PTPRD: variants seen among roughly 807,000 people sequenced by gnomAD.
PTPRD encodes receptor-type tyrosine-protein phosphatase delta.
In PTPRD, 34 loss-of-function variants were observed where a neutral mutation model predicts 214.5. The observed-to-expected ratio is 0.16, with a 90% CI of 0.12 to 0.21. PTPRD has a LOEUF of 0.21. PTPRD is among the 10% of genes least tolerant of loss of function. The pLI is 1.00. For synonymous variants in PTPRD, 1,128 were observed against 845.7 expected (o/e 1.33, Z -5.79); for missense variants, 2,545 against 2,398.7 (o/e 1.06, Z -1.27).
chr9:10,207,495 T>G (rs1311248915), intron 3 of PTPRD, among the ~76,000 whole-genome samples: 2 of 152,042 alleles, frequency 1.3e-5, no homozygotes, highest in East Asian at 1.9e-4. Context: ...AAATATTTTG[T>G]GTAGAACTGG....
At chr9:8,550,866 G>A (rs906742373) in intron 14 of PTPRD, among the ~76,000 whole-genome samples, 17 of 152,154 alleles carry the variant, frequency 1.1e-4, no homozygotes, top group Admixed American at 8.5e-4. Flanking sequence ...AAATAAGAAC[G>A]CAACAGCACC....
intron 8 of PTPRD, among the ~76,000 whole-genome samples, chr9:9,525,103 C>T (rs1165411482): frequency 6.6e-6 from 1 of 152,142 alleles, no homozygotes; most frequent in South Asian, 2.1e-4. Flanking sequence ...ATGATCCACC[C>T]GCCTCAGCAT....
At chr9:8,391,686 T>C (rs570300615) in intron 36 of PTPRD, among the ~76,000 whole-genome samples, 3 of 152,248 alleles carry the variant, frequency 2.0e-5, no homozygotes, top group African/African-American at 4.8e-5. Flanking sequence ...GCTGCCAATA[T>C]ACAGAAAACT....
At chr9:9,197,814 A>C (rs2099939513) in intron 9 of PTPRD, among the ~76,000 whole-genome samples, 1 of 152,170 alleles carries the variant, frequency 6.6e-6, no homozygotes, top group African/African-American at 2.4e-5. Flanking sequence ...TTTTTGAAGG[A>C]ATGAATGTTC....
chr9:10,601,663 T>C (rs936562217), intron 2 of PTPRD, among the ~76,000 whole-genome samples: 2 of 151,808 alleles, frequency 1.3e-5, no homozygotes, highest in Non-Finnish European at 2.9e-5. Flanking sequence ...AATTATATTA[T>C]TGCTGATGTG....
chr9:8,436,760 G>C, intron 34 of PTPRD, 71 bp from the exon 35 acceptor site: 1 of 1,199,714 alleles, frequency 8.3e-7, no homozygotes. Flanking sequence ...CCAAAATATA[G>C]AGAATACTAT....
intron 8 of PTPRD, among the ~76,000 whole-genome samples, chr9:9,564,884 GTTTTTTTTTTTT>G (rs1191664969): frequency 3.5e-4 from 17 of 48,856 alleles, no homozygotes; most frequent in South Asian, 2.2e-3. Context: ...TGAATCTTCT[GTTTTTTTTTTTT>G]TTTTTTTTTT....
At chr9:8,543,358 C>T (rs992013257) in intron 14 of PTPRD, among the ~76,000 whole-genome samples, 1 of 152,146 alleles carries the variant, frequency 6.6e-6, no homozygotes, top group African/African-American at 2.4e-5. Context: ...TGACATAATC[C>T]ACCAATCCCC....
intron 3 of PTPRD, among the ~76,000 whole-genome samples, chr9:10,170,686 C>T (rs1407442281): frequency 1.3e-5 from 2 of 151,996 alleles, no homozygotes; most frequent in African/African-American, 2.4e-5. Flanking sequence ...GACTCCGTCT[C>T]AAAGAAAACA....
At chr9:9,727,209 A>G (rs899788208) in intron 7 of PTPRD, among the ~76,000 whole-genome samples, 1 of 152,118 alleles carries the variant, frequency 6.6e-6, no homozygotes, top group Non-Finnish European at 1.5e-5. Context: ...TAATTCTGGC[A>G]TTCTGGGTGG....
intron 5 of PTPRD, chr9:9,799,437 G>C (rs1311099428): frequency 1.3e-5 from 2 of 152,162 alleles, no homozygotes; most frequent in Non-Finnish European, 2.9e-5. Context: ...AGGGTAGAAA[G>C]GGACTCTAAA....
At chr9:10,591,757 T>A (rs1292400194) in intron 2 of PTPRD, among the ~76,000 whole-genome samples, 2 of 152,052 alleles carry the variant, frequency 1.3e-5, no homozygotes, top group Non-Finnish European at 2.9e-5. Context: ...GACTCAATTC[T>A]CCTGAGGTCA....
At chr9:8,693,099 C>T (rs574531963) in intron 12 of PTPRD, among the ~76,000 whole-genome samples, 1 of 152,156 alleles carries the variant, frequency 6.6e-6, no homozygotes, top group Non-Finnish European at 1.5e-5. Context: ...TGGTATTATG[C>T]GCCGGGAGTT....
At chr9:8,889,246 G>A (rs1023212015) in intron 11 of PTPRD, among the ~76,000 whole-genome samples, 12 of 152,102 alleles carry the variant, frequency 7.9e-5, no homozygotes, top group African/African-American at 2.9e-4. Flanking sequence ...AGAGATGGTA[G>A]AATGAGAGTG....
At chr9:9,031,342 T>C (rs183321968) in intron 10 of PTPRD, among the ~76,000 whole-genome samples, 199 of 152,170 alleles carry the variant, frequency 1.3e-3, no homozygotes, top group Non-Finnish European at 2.0e-3. Context: ...GCAATTCTGT[T>C]GTTGTGTGAA....
At chr9:9,380,819 T>C (rs913785149) in intron 9 of PTPRD, among the ~76,000 whole-genome samples, 13 of 152,296 alleles carry the variant, frequency 8.5e-5, no homozygotes, top group African/African-American at 3.1e-4. Context: ...TTTCTCCTTA[T>C]AATTCTATCA....
intron 9 of PTPRD, among the ~76,000 whole-genome samples, chr9:9,351,005 T>C (rs1344988866): frequency 1.3e-5 from 2 of 152,058 alleles, no homozygotes; most frequent in African/African-American, 4.8e-5. Context: ...AAAGAATTTC[T>C]GTGAAAGTTC....
intron 10 of PTPRD, among the ~76,000 whole-genome samples, chr9:9,171,551 T>A (rs1018503761): frequency 4.0e-5 from 6 of 151,844 alleles, no homozygotes; most frequent in Admixed American, 3.9e-4. Flanking sequence ...TTGTCATAAA[T>A]GGAAAGTTTG....
intron 10 of PTPRD, among the ~76,000 whole-genome samples, chr9:9,076,382 G>A (rs1362527618): frequency 1.3e-5 from 2 of 149,068 alleles, no homozygotes; most frequent in African/African-American, 2.6e-5. Context: ...CTGTGCAGAA[G>A]CTCTTTAGTT....
Sources: allele counts gnomAD v4.1 joint callset (sites outside exome capture counted in the v4.1 genomes callset), GRCh38; gene constraint gnomAD v4.1.1; transcripts MANE v1.5; gene names NCBI Gene and HGNC (gene_info 2026-07-23, HGNC 2026-07-21).